Variants in GALNTL6 observed in about 807,000 individuals in gnomAD.
GALNTL6 encodes polypeptide N-acetylgalactosaminyltransferase like 6.
A neutral mutation model predicts 73.7 loss-of-function variants in GALNTL6; 46 were observed. The observed-to-expected ratio is 0.62, with a 90% CI of 0.49 to 0.80. The LOEUF (loss-of-function observed/expected upper bound fraction) is 0.80. Among genes scored for constraint, GALNTL6 ranks in the 30% least tolerant of loss-of-function variants. GALNTL6 has a pLI of 0.00. For missense variants in GALNTL6, 604 were observed against 755.0 expected, an observed-to-expected ratio of 0.80 and a Z score of 2.34; for synonymous variants, 259 against 263.7, an observed-to-expected ratio of 0.98 and a Z score of 0.17.
intron 5 of GALNTL6, among the ~76,000 whole-genome samples, chr4:172,599,255 C>T (rs1487699141): frequency 1.3e-5 from 2 of 152,098 alleles, no homozygotes; most frequent in African/African-American, 2.4e-5. Flanking sequence ...TGTCCTGCTC[C>T]TCTATAAAGG....
At chr4:172,744,041 A>G (rs12643816) in intron 5 of GALNTL6, among the ~76,000 whole-genome samples, 22,564 of 152,092 alleles carry the variant, frequency 0.15, 1,939 homozygotes, top group East Asian at 0.26. Flanking sequence ...CAAGAGTTCT[A>G]CTTAGCCCTT....
chr4:172,539,454 C>T (rs1372083976), intron 5 of GALNTL6, among the ~76,000 whole-genome samples: 1 of 151,972 alleles, frequency 6.6e-6, no homozygotes, highest in Non-Finnish European at 1.5e-5. Flanking sequence ...CTTGGAAAGA[C>T]CTTTCCCTCC....
In GALNTL6 at chr4:172,389,922, A is replaced by G. The variant is rs1034319659; in HGVS notation, c.553+41233A>G. Among the ~76,000 whole-genome samples the G allele has an allele frequency of 2.6e-5, 4 of 152,102 alleles. No individual in the cohort carries two copies. In the East Asian group the frequency reaches 7.7e-4, roughly 29 times the overall value. On this transcript the variant is annotated intron_variant, in intron 5 of 12. Coordinates refer to ENST00000506823, the MANE Select transcript of GALNTL6 (RefSeq NM_001034845.3). ...AAATAACAGTTGCTAGTTTTTCTTT[A>G]AAAATGATACCTTTATGTTCCCATT... is the stretch of plus-strand genomic sequence containing the variant.
intron 5 of GALNTL6, among the ~76,000 whole-genome samples, chr4:172,385,711 A>G (rs1743440853): frequency 6.6e-6 from 1 of 151,992 alleles, no homozygotes; most frequent in Admixed American, 6.6e-5. Context: ...CATTCTTCCA[A>G]TGTCTTCCTT....
intron 2 of GALNTL6, among the ~76,000 whole-genome samples, chr4:172,022,709 A>AC (rs1741443682): frequency 6.6e-6 from 1 of 151,566 alleles, no homozygotes; most frequent in African/African-American, 2.4e-5. Context: ...GAAAAAAAAA[A>AC]CCCTCCATTC....
intron 2 of GALNTL6, among the ~76,000 whole-genome samples, chr4:172,133,083 C>T (rs545953256): frequency 1.3e-5 from 2 of 152,216 alleles, no homozygotes; most frequent in African/African-American, 4.8e-5. Context: ...ACTAATGAAC[C>T]AAGCAAACAA....
rs34354883 is a variant in GALNTL6, at chr4:172,182,553, C to CAA, written c.139-47087_139-47086dup. Among the ~76,000 whole-genome samples, 292 of 127,424 alleles carry CAA rather than the reference C, an allele frequency of 2.3e-3. 1 individual carries two copies. The highest frequency in any genetic ancestry group is 7.8e-3 in the African/African-American group (269 of 34,482). 83.6% of individuals were successfully genotyped at this position (127,424 alleles called of 152,430 possible). ...TTAAATAATTCCCAATGAAAAATAC[C>CAA]AAAAAAAAAAAAAAAAAGTGATAAA... On this transcript the variant is annotated intron_variant, in intron 2 of 12. Transcript: ENST00000506823.
chr4:173,025,222 AG>A (rs985680843), intron 12 of GALNTL6, among the ~76,000 whole-genome samples: 3 of 152,238 alleles, frequency 2.0e-5, no homozygotes, highest in East Asian at 3.8e-4. Context: ...ACAGGCACCC[AG>A]GAAGAGGAAT....
At chr4:172,166,979 C>T (rs1207562168) in intron 2 of GALNTL6, among the ~76,000 whole-genome samples, 1 of 152,120 alleles carries the variant, frequency 6.6e-6, no homozygotes, top group Non-Finnish European at 1.5e-5. Context: ...AATCAGAACT[C>T]CTGGGTTCCA....
intron 5 of GALNTL6, among the ~76,000 whole-genome samples, chr4:172,697,560 A>C (rs183531617): frequency 3.3e-4 from 51 of 152,304 alleles, no homozygotes; most frequent in African/African-American, 1.1e-3. Flanking sequence ...AATTGGAGGA[A>C]AGCAATGGAT....
intron 2 of GALNTL6, among the ~76,000 whole-genome samples, chr4:171,873,170 G>T (rs1192934565): frequency 6.6e-6 from 1 of 152,098 alleles, no homozygotes; most frequent in African/African-American, 2.4e-5. Flanking sequence ...ATTTTCCTTT[G>T]TTCTATATTT....
chr4:172,931,144 T>C lies in GALNTL6; in HGVS notation c.1042-17T>C, dbSNP rs1258339696. On this transcript the variant is annotated splice_polypyrimidine_tract_variant and intron_variant, in intron 8 of 12. Coordinates refer to ENST00000506823, the MANE Select transcript of GALNTL6 (RefSeq NM_001034845.3). ...TGAAATTCACTGTTGTCTTTTGTTC[T>C]ATTTTTCCCTCTTCAGGTTTGGATG... 2.2e-6 allele frequency: 3 copies of C among 1,374,152 alleles called. No individual in the cohort carries two copies. The highest frequency in any genetic ancestry group is 3.4e-5 in the Admixed American group (2 of 59,676). 85.1% of individuals were successfully genotyped at this position (1,374,152 alleles called of 1,614,324 possible).
intron 5 of GALNTL6, among the ~76,000 whole-genome samples, chr4:172,606,409 G>C (rs1183033705): frequency 6.7e-6 from 1 of 148,962 alleles, no homozygotes; most frequent in African/African-American, 2.5e-5. Context: ...AGCCAAAATC[G>C]CGCCATTGCA....
At chr4:172,026,998 T>G (rs1741608557) in intron 2 of GALNTL6, among the ~76,000 whole-genome samples, 1 of 151,954 alleles carries the variant, frequency 6.6e-6, no homozygotes, top group Admixed American at 6.6e-5. Flanking sequence ...CAAGTGATCT[T>G]TCCACCTCAG....
intron 8 of GALNTL6, among the ~76,000 whole-genome samples, chr4:172,920,928 T>A (rs993355048): frequency 4.6e-5 from 7 of 152,184 alleles, no homozygotes; most frequent in South Asian, 4.1e-4. Context: ...AGATATCTAC[T>A]GAGTTAGAAG....
rs575804237 is a variant in GALNTL6, at chr4:172,071,282, T to G, written c.139-158374T>G. Among the ~76,000 whole-genome samples the G allele has an allele frequency of 1.5e-4, 16 of 109,696 alleles. 4 individuals are homozygous for G. Among genetic ancestry groups the G allele is most frequent in the South Asian group, 5.4e-4 (2 of 3,726 alleles). The allele number at this position is 109,696 out of a possible 152,430, so 72.0% of individuals were successfully genotyped here. ...CGTGTGGTTTTCAAGGATTGTGCTATTACTCATTACCTCTCAGCTGAGCCT... is the reference window on the plus strand; with the variant it reads ...CGTGTGGTTTTCAAGGATTGTGCTAGTACTCATTACCTCTCAGCTGAGCCT... On this transcript the variant is annotated intron_variant, in intron 2 of 12. Transcript: ENST00000506823.
chr4:172,372,595 G>T lies in GALNTL6; in HGVS notation c.553+23906G>T, dbSNP rs1164245972. ...GGGTTGTCACACGAGTCTGAGTATGGACTCCAAGAGCTATCCCTGCTGTCT... is the reference window on the plus strand; with the variant it reads ...GGGTTGTCACACGAGTCTGAGTATGTACTCCAAGAGCTATCCCTGCTGTCT... On this transcript the variant is annotated intron_variant, in intron 5 of 12. Coordinates refer to ENST00000506823, the MANE Select transcript of GALNTL6 (RefSeq NM_001034845.3). 2.6e-5 allele frequency among the ~76,000 whole-genome samples: 4 copies of T among 152,158 alleles called. No homozygotes were observed. The South Asian group carries it at 8.3e-4, about 32-fold the overall frequency.
intron 2 of GALNTL6, among the ~76,000 whole-genome samples, chr4:172,073,869 C>G (rs1225838351): frequency 6.6e-6 from 1 of 152,098 alleles, no homozygotes; most frequent in African/African-American, 2.4e-5. Flanking sequence ...CTCTGTAAGT[C>G]AAAGCAATTG....
At chr4:172,109,862 A>G (rs1404087413) in intron 2 of GALNTL6, among the ~76,000 whole-genome samples, 1 of 152,224 alleles carries the variant, frequency 6.6e-6, no homozygotes, top group Non-Finnish European at 1.5e-5. Context: ...TAGCATACAA[A>G]TCTTGGTGGG....
Sources: allele counts gnomAD v4.1 joint callset (sites outside exome capture counted in the v4.1 genomes callset), GRCh38; gene constraint gnomAD v4.1.1; transcripts MANE v1.5; gene names NCBI Gene and HGNC (gene_info 2026-07-23, HGNC 2026-07-21).